COL15A1: variants seen among roughly 807,000 people sequenced by gnomAD.
COL15A1 encodes the protein collagen alpha-1(XV) chain.
In COL15A1, 111 loss-of-function variants were observed where a neutral mutation model predicts 165.9. That is an observed-to-expected ratio of 0.67 (90% CI 0.57 to 0.78). COL15A1 has a LOEUF of 0.78. Ranked by LOEUF, COL15A1 falls within the 30% of genes least tolerant of loss-of-function variation. COL15A1 has a pLI of 0.00. For synonymous variants in COL15A1, 659 were observed against 674.8 expected, an observed-to-expected ratio of 0.98 and a Z score of 0.36; for missense variants, 1,745 against 1,789.7, an observed-to-expected ratio of 0.98 and a Z score of 0.45.
Position 98,997,070 on chromosome 9 carries a change from G to A in COL15A1, c.941G>A (p.Ser314Asn), listed in dbSNP as rs1439744779. ...AACATGAGCATCATCCAGCACAGCA[G>A]CCCCAAACAAGGCAAGTCCGGATGC... ...TTNMSIIQHS[S>N]PKQGSGEILN... The change falls in exon 6 of 42, where the codon AGC becomes AAC. Residue 314 changes from serine to asparagine, a missense_variant. Ser to Asn is a conservative substitution (Grantham distance 46, BLOSUM62 1). Coordinates refer to ENST00000375001, the MANE Select transcript of COL15A1 (RefSeq NM_001855.5). 6.2e-7 allele frequency: 1 copy of A among 1,614,206 alleles called. No homozygotes were observed. Among genetic ancestry groups the A allele is most frequent in the Admixed American group, 1.7e-5 (1 of 60,026 alleles).
rs575616006 is a variant in COL15A1, at chr9:99,070,608, C to T, written c.*722C>T. 6.6e-6 allele frequency: 3 copies of T among 452,916 alleles called. No individual in the cohort carries two copies. Among genetic ancestry groups the T allele is most frequent in the African/African-American group, 6.0e-5 (3 of 50,032 alleles). 28.1% of individuals were successfully genotyped at this position (452,916 alleles called of 1,614,324 possible). A position where few individuals can be genotyped will look rare whatever the true frequency, so the allele number is the denominator to read the frequency against. ...ACCTTCCCCTTGGCGGCTCTCCTCC[C>T]CAACCCCCACCCCACAATTTTATGA... On this transcript the variant is annotated 3_prime_UTR_variant, in exon 42 of 42. Coordinates refer to ENST00000375001, the MANE Select transcript of COL15A1 (RefSeq NM_001855.5).
intron 2 of COL15A1, among the ~76,000 whole-genome samples, chr9:98,972,319 C>G (rs146884337): frequency 1.2e-4 from 18 of 152,156 alleles, no homozygotes; most frequent in African/African-American, 4.3e-4. Flanking sequence ...CCCTGAAAGA[C>G]TCTGATTCCA....
chr9:99,054,928 G>T (rs1164232778), intron 32 of COL15A1, among the ~76,000 whole-genome samples, 174 bp from the exon 33 acceptor site: 1 of 152,178 alleles, frequency 6.6e-6, no homozygotes, highest in Non-Finnish European at 1.5e-5. Flanking sequence ...ACAGTGTCTG[G>T]GTTGATGGGC....
In COL15A1 at chr9:99,046,268, C is replaced by T. The variant is rs115980523; in HGVS notation, c.2679+1498C>T. ...CCCTAGTGACCAGTGTAGCTTATAA[C>T]GCCTTCTCAAATTCACTGGTGTCCT... is the stretch of plus-strand genomic sequence containing the variant. On this transcript the variant is annotated intron_variant, in intron 26 of 41. Coordinates refer to ENST00000375001, the MANE Select transcript of COL15A1 (RefSeq NM_001855.5). Among the ~76,000 whole-genome samples, 846 of 152,236 alleles carry T rather than the reference C, an allele frequency of 5.6e-3. 8 individuals carry two copies. The highest frequency in any genetic ancestry group is 0.019 in the African/African-American group (804 of 41,526).
intron 11 of COL15A1, among the ~76,000 whole-genome samples, chr9:99,016,771 T>A (rs987284449): frequency 7.2e-4 from 109 of 152,378 alleles, no homozygotes; most frequent in African/African-American, 2.3e-3. Context: ...AACACATTTT[T>A]AAAGGAAAAT....
chr9:99,061,193 C>G (rs558551063), intron 36 of COL15A1, among the ~76,000 whole-genome samples: 1 of 152,338 alleles, frequency 6.6e-6, no homozygotes, highest in South Asian at 2.1e-4. Flanking sequence ...TGATGGAATT[C>G]TGATATTTGG....
chr9:99,003,276 G>A lies in COL15A1; in HGVS notation c.1066-177G>A, dbSNP rs113536928. Among the ~76,000 whole-genome samples, 229 of 152,380 alleles carry A rather than the reference G, an allele frequency of 1.5e-3. 1 individual carries two copies. The highest frequency in any genetic ancestry group is 5.1e-3 in the African/African-American group (211 of 41,584). On this transcript the variant is annotated intron_variant, in intron 7 of 41. Coordinates refer to ENST00000375001, the MANE Select transcript of COL15A1 (RefSeq NM_001855.5). Reference sequence around the variant, plus strand: ...TGGGAATCAAACACCAGACATAGGTGCCTGGGCAGTCTTTCCCATCCCTGG... The same window carrying A: ...TGGGAATCAAACACCAGACATAGGTACCTGGGCAGTCTTTCCCATCCCTGG...
chr9:99,030,422 C>G (rs778966547), intron 16 of COL15A1, among the ~76,000 whole-genome samples: 8 of 152,170 alleles, frequency 5.3e-5, no homozygotes, highest in Non-Finnish European at 1.2e-4. Context: ...TGGAGCTCCT[C>G]CTTTTCACCC....
intron 2 of COL15A1, among the ~76,000 whole-genome samples, chr9:98,950,862 C>G (rs1485737755): frequency 6.6e-6 from 1 of 152,136 alleles, no homozygotes; most frequent in Non-Finnish European, 1.5e-5. Context: ...CTCGGCCTCC[C>G]AAAGTGCTGG....
chr9:99,058,866 G>A (rs1422232931), intron 35 of COL15A1, among the ~76,000 whole-genome samples: 2 of 152,072 alleles, frequency 1.3e-5, no homozygotes, highest in Non-Finnish European at 2.9e-5. Flanking sequence ...TCCTATGTTG[G>A]AACTGAACAT....
chr9:99,058,122 C>T (rs1005436290), intron 35 of COL15A1, among the ~76,000 whole-genome samples: 1 of 152,220 alleles, frequency 6.6e-6, no homozygotes, highest in Non-Finnish European at 1.5e-5. Flanking sequence ...TTCCTCACCA[C>T]AAACCACATC....
chr9:99,012,832 G>T (rs184089584), intron 9 of COL15A1, among the ~76,000 whole-genome samples: 1 of 148,752 alleles, frequency 6.7e-6, no homozygotes, highest in Non-Finnish European at 1.5e-5. Context: ...CTGCCTCAGC[G>T]TCTTGAGTAG....
chr9:99,041,595 A>T (rs1482836673), intron 23 of COL15A1, among the ~76,000 whole-genome samples: 1 of 151,956 alleles, frequency 6.6e-6, no homozygotes, highest in Admixed American at 6.6e-5. Context: ...GTGGGAGATG[A>T]GATGTTGATG....
At chr9:99,034,484 T>G (rs922794665) in intron 16 of COL15A1, 65 bp from the exon 17 acceptor site, 4 of 1,532,400 alleles carry the variant, frequency 2.6e-6, no homozygotes, top group Non-Finnish European at 3.5e-6. Flanking sequence ...TTGTGCATTG[T>G]CTTCAGAACA....
chr9:99,004,924 A>G lies in COL15A1; in HGVS notation c.1227A>G (p.Ala409=). ...TPGPDNEERL[A]ATAAGEAEAL... is the part of the protein sequence containing the mutation. ...GTCCAGATAATGAAGAGCGTTTAGC[A>G]GCAACAGCAGCAGGGGAGGCCGAGG... Residue 409 remains alanine, a synonymous_variant, in exon 9 of 42, where the codon GCA becomes GCG. Transcript: ENST00000375001. The G allele has an allele frequency of 6.2e-7, 1 of 1,614,106 alleles. No individual in the cohort carries two copies. Among genetic ancestry groups the G allele is most frequent in the African/African-American group, 1.3e-5 (1 of 75,046 alleles).
chr9:98,993,781 A>T (rs1475252894), intron 5 of COL15A1, among the ~76,000 whole-genome samples: 2 of 152,242 alleles, frequency 1.3e-5, no homozygotes, highest in African/African-American at 4.8e-5. Context: ...ACCCTCTAGG[A>T]CGGGGAATTT....
chr9:98,986,885 G>A (rs780500383), intron 3 of COL15A1, among the ~76,000 whole-genome samples: 10 of 152,182 alleles, frequency 6.6e-5, no homozygotes, highest in Non-Finnish European at 1.0e-4. Flanking sequence ...GGAGAGTGGA[G>A]GCAGGGAGGC....
intron 2 of COL15A1, among the ~76,000 whole-genome samples, chr9:98,966,128 C>A (rs1837952383): frequency 6.6e-6 from 1 of 152,156 alleles, no homozygotes; most frequent in African/African-American, 2.4e-5. Context: ...GAGAGAGGAC[C>A]ATTCTCCCCT....
At position 98,986,098 on chromosome 9, in the gene COL15A1, C is replaced by T; in HGVS notation, c.634C>T (p.Leu212Phe). ...CATGGGCAATGCAGGAGCTACAGGG[C>T]TCGAGAGATTCACTGTGAGTTAAAG... ...IFMGNAGATG[L>F]ERFTGSLQQL... Residue 212 changes from leucine to phenylalanine, a missense_variant, in exon 3 of 42, where the codon CTC becomes TTC. Transcript: ENST00000375001. 6.2e-7 allele frequency: 1 copy of T among 1,612,566 alleles called. No individual in the cohort carries two copies. Among genetic ancestry groups the T allele is most frequent in the Middle Eastern group, 1.7e-4 (1 of 6,052 alleles).
Sources: gnomAD v4.1 joint callset for allele counts (sites outside exome capture counted in the v4.1 genomes callset) on GRCh38, gnomAD v4.1.1 for gene constraint, MANE v1.5 for transcripts, NCBI Gene and HGNC (gene_info 2026-07-23, HGNC 2026-07-21) for gene names.